GSN: variants seen among roughly 807,000 people sequenced by gnomAD.
GSN encodes gelsolin.
Under a neutral mutation model 85.7 loss-of-function variants are expected in GSN, and 56 were observed. The ratio of observed to expected loss-of-function variants is 0.65; its 90% CI spans 0.53 to 0.82. GSN has a LOEUF of 0.82. GSN is among the 40% of genes least tolerant of loss of function. GSN has a pLI of 0.00. For synonymous variants in GSN, 373 were observed against 399.1 expected (o/e 0.93, Z 0.78); for missense variants, 857 against 979.8 (o/e 0.87, Z 1.67).
intron 5 of GSN, among the ~76,000 whole-genome samples, chr9:121,234,489 G>C (rs967353975): frequency 6.6e-6 from 1 of 152,216 alleles, no homozygotes; most frequent in Non-Finnish European, 1.5e-5. Flanking sequence ...GGAGCCAGCT[G>C]CTCCTGGGTC....
At chr9:121,306,205 TGGACCTGA>T (rs1340463940) in intron 4 of GSN, among the ~76,000 whole-genome samples, 1 of 152,234 alleles carries the variant, frequency 6.6e-6, no homozygotes, top group East Asian at 1.9e-4. Context: ...TAGGAGCCCT[TGGACCTGA>T]GGAACACAAT....
rs1229611004 is a variant in GSN at position 121,306,156 on chromosome 9, A to T, written c.351+3091A>T. ...GACCCCGTGGGGCTGGGTTATTTGAAACCCATTGTTCAAATGGAATCTGGG... is the reference window on the plus strand; with the variant it reads ...GACCCCGTGGGGCTGGGTTATTTGATACCCATTGTTCAAATGGAATCTGGG... On this transcript the variant is annotated intron_variant, in intron 4 of 17. Transcript: ENST00000432226. Among the ~76,000 whole-genome samples the T allele has an allele frequency of 2.0e-5, 3 of 152,136 alleles. No individual in the cohort carries two copies. In the East Asian group the frequency reaches 5.8e-4, roughly 29 times the overall value.
intron 7 of GSN, among the ~76,000 whole-genome samples, chr9:121,316,345 C>A (rs1394952293): frequency 6.6e-6 from 1 of 152,226 alleles, no homozygotes; most frequent in African/African-American, 2.4e-5. Context: ...ATTAACATTG[C>A]TTCAGTACCA....
intron 2 of GSN, chr9:121,286,054 T>G: frequency 1.4e-6 from 2 of 1,472,888 alleles, no homozygotes; most frequent in Admixed American, 2.0e-5. Flanking sequence ...CACAGCTATT[T>G]CCAGACTAAT....
chr9:121,319,503 A>G (rs2062133844), intron 10 of GSN, among the ~76,000 whole-genome samples: 1 of 145,280 alleles, frequency 6.9e-6, no homozygotes, highest in Admixed American at 6.8e-5. Context: ...TTTTTTTTTT[A>G]ATAGAGACAG....
intron 5 of GSN, among the ~76,000 whole-genome samples, chr9:121,241,413 C>G (rs938904798): frequency 6.6e-6 from 1 of 152,150 alleles, no homozygotes; most frequent in Admixed American, 6.5e-5. Flanking sequence ...AGTCCCTGTC[C>G]GTGGATGTCA....
chr9:121,220,276 G>A (rs1445990649), intron 4 of GSN, among the ~76,000 whole-genome samples: 1 of 152,232 alleles, frequency 6.6e-6, no homozygotes, highest in Non-Finnish European at 1.5e-5. Context: ...CCTTCCCGCA[G>A]TGGCGTCAAA....
chr9:121,238,014 G>A (rs548111851), intron 5 of GSN: 4 of 152,282 alleles, frequency 2.6e-5, no homozygotes, highest in South Asian at 4.1e-4. Context: ...AGGTTAACAC[G>A]GTAAACTCCA....
Position 121,332,725 on chromosome 9 carries a change from C to CA in GSN, c.*122_*123insA. 1 of 602,494 alleles carries CA rather than the reference C, an allele frequency of 1.7e-6. No individual in the cohort carries two copies. 37.3% of individuals were successfully genotyped at this position (602,494 alleles called of 1,614,324 possible). A position where few individuals can be genotyped will look rare whatever the true frequency, so the allele number is the denominator to read the frequency against. On this transcript the variant is annotated 3_prime_UTR_variant, in exon 18 of 18. Transcript: ENST00000432226. The surrounding 1 kb of genome is among the most constrained non-coding windows in gnomAD (Gnocchi z 4.8). ...GTGTGTGTGTGTGTGTGTGTTGTTT[C>CA]TTTTTTTTTTTTTTACAGTATCCAA...
intron 4 of GSN, among the ~76,000 whole-genome samples, chr9:121,220,283 CA>C (rs1286413482): frequency 6.6e-6 from 1 of 152,254 alleles, no homozygotes; most frequent in Non-Finnish European, 1.5e-5. Flanking sequence ...GCAGTGGCGT[CA>C]AAAGCCTGGA....
At chr9:121,266,078 T>G (rs1247582426), upstream of GSN, among the ~76,000 whole-genome samples, 2 of 152,206 alleles carry the variant, frequency 1.3e-5, no homozygotes, top group Admixed American at 1.3e-4. Flanking sequence ...TGTTCCCATG[T>G]TCCTCTCCAG....
At chr9:121,252,426 T>C (rs548159796) in intron 6 of GSN, among the ~76,000 whole-genome samples, 47 of 152,202 alleles carry the variant, frequency 3.1e-4, no homozygotes, top group Non-Finnish European at 5.1e-4. Context: ...AGGAGGCAGA[T>C]TTCAAAAGAT....
intron 1 of GSN, chr9:121,209,231 T>G (rs571841710): frequency 6.6e-6 from 1 of 152,344 alleles, no homozygotes; most frequent in African/African-American, 2.4e-5. Flanking sequence ...TCCCTCCCTA[T>G]CAGAAGAAGT....
chr9:121,263,209 C>T (rs766966175), upstream of GSN, among the ~76,000 whole-genome samples: 2 of 152,078 alleles, frequency 1.3e-5, no homozygotes, highest in Non-Finnish European at 2.9e-5. Flanking sequence ...ATATTCCCAC[C>T]GTGGGGACTG....
At chr9:121,264,049 G>A (rs1347954494), upstream of GSN, among the ~76,000 whole-genome samples, 1 of 151,998 alleles carries the variant, frequency 6.6e-6, no homozygotes, top group Non-Finnish European at 1.5e-5. Context: ...GATTTGGGTG[G>A]GAACACAGAG....
At chr9:121,238,849 T>C (rs2054547149) in intron 5 of GSN, 3 of 529,260 alleles carry the variant, frequency 5.7e-6, no homozygotes, top group Non-Finnish European at 1.2e-5. Context: ...ACTACAGCAA[T>C]CATGGCTTGT....
chr9:121,295,886 G>A (rs1267078136), intron 2 of GSN, among the ~76,000 whole-genome samples: 1 of 152,220 alleles, frequency 6.6e-6, no homozygotes, highest in African/African-American at 2.4e-5. Context: ...GTAGCAGAAG[G>A]GCTGCCTCCA....
At chr9:121,213,503 C>T (rs1248565393) in intron 4 of GSN, among the ~76,000 whole-genome samples, 1 of 152,208 alleles carries the variant, frequency 6.6e-6, no homozygotes, top group African/African-American at 2.4e-5. Flanking sequence ...AGCATTGTTT[C>T]CTCAGTCTCT....
At chr9:121,281,653 G>A (rs1394797930) in intron 2 of GSN, 91 bp downstream of exon 2, 1 of 471,070 alleles carries the variant, frequency 2.1e-6, no homozygotes, top group African/African-American at 2.0e-5. Context: ...GGTGGAAGCA[G>A]CCGCTGTAGC....
Sources: gnomAD v4.1 joint callset for allele counts (sites outside exome capture counted in the v4.1 genomes callset) on GRCh38, gnomAD v4.1.1 for gene constraint, Gnocchi (gnomAD v3.1) non-coding constraint, MANE v1.5 for transcripts, NCBI Gene and HGNC (gene_info 2026-07-23, HGNC 2026-07-21) for gene names.